The following APBA1 variants were observed in gnomAD, a reference collection of about 807,000 sequenced individuals.
The protein encoded by APBA1 is amyloid-beta A4 precursor protein-binding family A member 1.
APBA1 carries 55 observed loss-of-function variants against 86.6 expected under a neutral mutation model. That is an observed-to-expected ratio of 0.64 (90% CI 0.51 to 0.80). APBA1 has a LOEUF of 0.80. Among genes scored for constraint, APBA1 ranks in the 30% least tolerant of loss-of-function variants. The pLI, the probability that APBA1 is intolerant of heterozygous loss-of-function variation, is 0.00. For synonymous variants in APBA1, 511 were observed against 493.9 expected, an observed-to-expected ratio of 1.03 and a Z score of -0.46; for missense variants, 1,090 against 1,183.0, an observed-to-expected ratio of 0.92 and a Z score of 1.15.
chr9:69,545,054 AGGGG>A (rs1462845974), intron 1 of APBA1, among the ~76,000 whole-genome samples: 1 of 152,232 alleles, frequency 6.6e-6, no homozygotes, highest in East Asian at 1.9e-4. Context: ...CCAATTGACT[AGGGG>A]TAGACCCCTC....
intron 10 of APBA1, among the ~76,000 whole-genome samples, chr9:69,447,451 T>A (rs1313424638): frequency 6.6e-6 from 1 of 152,170 alleles, no homozygotes; most frequent in East Asian, 1.9e-4. Context: ...CTCTGTGCTG[T>A]GGGGCTGTCC....
In APBA1 at chr9:69,458,164, T is replaced by C. The variant is rs755857636; in HGVS notation, c.1507A>G (p.Arg503Gly). 6 of 1,612,094 alleles carry C rather than the reference T, an allele frequency of 3.7e-6. No homozygotes were observed. Among genetic ancestry groups the C allele is most frequent in the Non-Finnish European group, 5.1e-6 (6 of 1,179,624 alleles). ...IKMAQKLAKS[R>G]KKAPEGESQP... ...AGTTGTTTGTACTGCACCTTCTTCC[T>C]GCTTTTGGCTAATTTCTGGGCCATC... The change falls in exon 6 of 13, where the codon AGG becomes GGG. Residue 503 changes from arginine (R) to glycine (G), a missense_variant. By Grantham distance (125) the Arg-to-Gly change is moderately radical. Transcript: ENST00000265381.
rs1564099121 is a variant in APBA1, at chr9:69,636,987, A to AAAGAAAG, written c.-70+35165_-70+35166insCTTTCTT. On this transcript the variant is annotated intron_variant, in intron 1 of 12. Coordinates refer to ENST00000265381, the MANE Select transcript of APBA1 (RefSeq NM_001163.4). ...AGAAAGAAAGAAAGAAAGAAAGAAA[A>AAAGAAAG]ATGTGATACATATACACAGTGGAGT... Among the ~76,000 whole-genome samples the AAAGAAAG allele has an allele frequency of 5.2e-3, 496 of 96,274 alleles. 44 individuals are homozygous for AAAGAAAG. Among genetic ancestry groups the AAAGAAAG allele is most frequent in the South Asian group, 0.011 (31 of 2,824 alleles). The allele number at this position is 96,274 out of a possible 152,430, so 63.2% of individuals were successfully genotyped here.
chr9:69,517,089 G>GGCT lies in APBA1; in HGVS notation c.119_121dup (p.Gln40dup). The GGCT allele has an allele frequency of 6.3e-7, 1 of 1,579,538 alleles. No individual in the cohort carries two copies. Among genetic ancestry groups the GGCT allele is most frequent in the Non-Finnish European group, 8.6e-7 (1 of 1,167,946 alleles). ...GCCCACATAGTGCTGCTGCTGCGGCGGCTGCTGCTGTTCCTCTTCCACCTC... is the reference window on the plus strand; with the variant it reads ...GCCCACATAGTGCTGCTGCTGCGGCGGCTGCTGCTGCTGTTCCTCTTCCACCTC... On this transcript the variant is annotated inframe_insertion, in exon 2 of 13. Transcript: ENST00000265381.
intron 1 of APBA1, among the ~76,000 whole-genome samples, chr9:69,530,327 T>TACAC (rs1285852061): frequency 3.8e-4 from 48 of 127,518 alleles, no homozygotes; most frequent in African/African-American, 1.4e-3. Context: ...TATATATATA[T>TACAC]ATACACACAC....
intron 1 of APBA1, among the ~76,000 whole-genome samples, chr9:69,637,449 C>A (rs545542015): frequency 5.3e-5 from 8 of 152,142 alleles, no homozygotes; most frequent in Non-Finnish European, 1.0e-4. Flanking sequence ...AATTATGACT[C>A]ATTGTATGGC....
chr9:69,658,266 T>TC (rs1564104825), intron 1 of APBA1, among the ~76,000 whole-genome samples: 2 of 81,602 alleles, frequency 2.5e-5, no homozygotes, highest in African/African-American at 4.6e-5. Context: ...CTTTCTTTCT[T>TC]TCTTTCTTTC....
intron 1 of APBA1, among the ~76,000 whole-genome samples, chr9:69,634,417 TAA>T (rs1279127186): frequency 6.6e-6 from 1 of 152,184 alleles, no homozygotes; most frequent in African/African-American, 2.4e-5. Context: ...CACTGCGGAT[TAA>T]AGTGTTCTGA....
Position 69,516,898 on chromosome 9 carries a change from C to G in APBA1, c.313G>C (p.Asp105His). 1 of 1,594,140 alleles carries G rather than the reference C, an allele frequency of 6.3e-7. No individual in the cohort carries two copies. Among genetic ancestry groups the G allele is most frequent in the Non-Finnish European group, 8.5e-7 (1 of 1,176,796 alleles). ...TCGGGGTCCTGCGCGCGCTCCGCAT[C>G]GTAGCCGTCGCGGGCCGCGGCGATC... ...DVIAAARDGY[D>H]AERAQDPEDE... Residue 105 changes from aspartate to histidine, a missense_variant, in exon 2 of 13, where the codon GAT (aspartate) becomes CAT (histidine). Around this residue, in one of 6 missense-constraint regions of APBA1, gnomAD observed 678 missense variants for 647.1 expected, o/e 1.05. Coordinates refer to ENST00000265381, the MANE Select transcript of APBA1 (RefSeq NM_001163.4). This position sits in a 1 kb window ranked among gnomAD's most constrained non-coding sequence, Gnocchi z 7.3.
At chr9:69,535,127 T>C (rs967968658) in intron 1 of APBA1, among the ~76,000 whole-genome samples, 1 of 152,204 alleles carries the variant, frequency 6.6e-6, no homozygotes. Flanking sequence ...GCTTTTTTCA[T>C]AGGTTGATTT....
chr9:69,610,591 T>G (rs1822567335), intron 1 of APBA1, among the ~76,000 whole-genome samples: 1 of 152,204 alleles, frequency 6.6e-6, no homozygotes, highest in South Asian at 2.1e-4. Flanking sequence ...CTGACTCATT[T>G]TTCCTTTGCT....
intron 9 of APBA1, among the ~76,000 whole-genome samples, chr9:69,451,411 T>C (rs1049031405): frequency 1.1e-4 from 16 of 152,318 alleles, no homozygotes; most frequent in Middle Eastern, 3.4e-3. Context: ...TTTTTACCTA[T>C]GGGATCAAGT....
In APBA1 at chr9:69,458,205, A is replaced by G; in HGVS notation, c.1483-17T>C. The G allele has an allele frequency of 6.2e-7, 1 of 1,606,228 alleles. No individual in the cohort carries two copies. Among genetic ancestry groups the G allele is most frequent in the Non-Finnish European group, 8.5e-7 (1 of 1,177,554 alleles). On this transcript the variant is annotated splice_polypyrimidine_tract_variant and intron_variant, in intron 5 of 12. Coordinates refer to ENST00000265381, the MANE Select transcript of APBA1 (RefSeq NM_001163.4). Reference sequence around the variant, plus strand: ...CTGGGCCATCTGCTTAGCATGGAACAAACAGAGACAGGAGAATAGTTAGAA... The same window carrying G: ...CTGGGCCATCTGCTTAGCATGGAACGAACAGAGACAGGAGAATAGTTAGAA...
Position 69,657,825 on chromosome 9 carries a change from T to G in APBA1, c.-70+14328A>C, listed in dbSNP as rs1474873957. Among the ~76,000 whole-genome samples the G allele has an allele frequency of 2.6e-5, 4 of 152,214 alleles. No individual in the cohort carries two copies. In the East Asian group the frequency reaches 7.7e-4, roughly 29 times the overall value. On this transcript the variant is annotated intron_variant, in intron 1 of 12. Transcript: ENST00000265381. ...AATTTACCACCTTAATACCATCAAT[T>G]ATATATTTTTAATCTTTTCCTCTTC... is the stretch of plus-strand genomic sequence containing the variant.
At chr9:69,598,033 C>A (rs1023661782) in intron 1 of APBA1, among the ~76,000 whole-genome samples, 4 of 151,510 alleles carry the variant, frequency 2.6e-5, no homozygotes, top group African/African-American at 4.9e-5. Context: ...TGGAACCAAC[C>A]CAAATGTCCA....
At chr9:69,481,708 T>C (rs1253983867) in intron 2 of APBA1, among the ~76,000 whole-genome samples, 3 of 150,716 alleles carry the variant, frequency 2.0e-5, no homozygotes, top group Non-Finnish European at 3.0e-5. Context: ...TCACAATACC[T>C]GACTTCAAAC....
chr9:69,440,934 A>C lies in APBA1; in HGVS notation c.2301+62T>G, dbSNP rs1390901088. 5 of 1,579,004 alleles carry C rather than the reference A, an allele frequency of 3.2e-6. No homozygotes were observed. In the South Asian group the frequency reaches 5.8e-5, roughly 18 times the overall value. Reference sequence around the variant, plus strand: ...TTAGCCATCTTGGCTCCACCCCCCCAGCCATGCTACATTTTTATTTGTCAA... The same window carrying C: ...TTAGCCATCTTGGCTCCACCCCCCCCGCCATGCTACATTTTTATTTGTCAA... On this transcript the variant is annotated intron_variant, in intron 11 of 12. Coordinates refer to ENST00000265381, the MANE Select transcript of APBA1 (RefSeq NM_001163.4).
intron 1 of APBA1, among the ~76,000 whole-genome samples, chr9:69,661,711 C>T (rs1823755392): frequency 6.6e-6 from 1 of 152,164 alleles, no homozygotes; most frequent in Non-Finnish European, 1.5e-5. Flanking sequence ...TGTCCTCCTG[C>T]AGTGATGAAT....
chr9:69,440,358 T>C (rs1834795064), intron 11 of APBA1, among the ~76,000 whole-genome samples: 1 of 152,108 alleles, frequency 6.6e-6, no homozygotes, highest in African/African-American at 2.4e-5. Flanking sequence ...TGCCTTTTGT[T>C]TGTCTGTGCC....
Sources: gnomAD v4.1 joint callset for allele counts (sites outside exome capture counted in the v4.1 genomes callset) on GRCh38, gnomAD v4.1.1 for gene constraint, gnomAD v4.1.1 regional missense constraint, Gnocchi (gnomAD v3.1) non-coding constraint, MANE v1.5 for transcripts, NCBI Gene and HGNC (gene_info 2026-07-23, HGNC 2026-07-21) for gene names.